Variants in PRELID2 observed in about 807,000 individuals in gnomAD.
PRELID2 encodes PRELI domain-containing protein 2.
In PRELID2, 25 loss-of-function variants were observed where a neutral mutation model predicts 28.4. The observed-to-expected ratio is 0.88, with a 90% CI of 0.64 to 1.23. PRELID2 has a LOEUF of 1.23. Among genes scored for constraint, PRELID2 ranks in the 50% most tolerant of loss-of-function variants. PRELID2 has a pLI of 0.00. For synonymous variants in PRELID2, 76 were observed against 71.6 expected (o/e 1.06, Z -0.31); for missense variants, 201 against 214.4 (o/e 0.94, Z 0.39).
At chr5:145,273,150 T>C in the PRELID2 span, among the ~76,000 whole-genome samples, 3,589 of 152,242 alleles carry the variant, frequency 0.024, 143 homozygotes, top group African/African-American at 0.082. Flanking sequence ...AATTATATTT[T>C]AGAAAAAGTC....
intron 5 of PRELID2, among the ~76,000 whole-genome samples, chr5:145,783,600 G>C (rs746047819): frequency 6.6e-6 from 1 of 152,114 alleles, no homozygotes; most frequent in Non-Finnish European, 1.5e-5. Context: ...TCAAGGGTGG[G>C]ATTAAAAAGT....
At chr5:145,754,421 T>A (rs2149754361), downstream of PRELID2, 1 of 152,330 alleles carries the variant, frequency 6.6e-6, no homozygotes. Flanking sequence ...CTGTGTCTGG[T>A]CTTACCATCA....
At chr5:145,293,661 G>A in the PRELID2 span, among the ~76,000 whole-genome samples, 1 of 152,140 alleles carries the variant, frequency 6.6e-6, no homozygotes, top group African/African-American at 2.4e-5. Flanking sequence ...GTAAAGGATG[G>A]TTTAATGTTA....
intron 5 of PRELID2, among the ~76,000 whole-genome samples, chr5:145,784,279 T>TGGAC (rs1417248849): frequency 2.7e-5 from 4 of 149,560 alleles, no homozygotes; most frequent in African/African-American, 9.8e-5. Flanking sequence ...TTCATGGAGG[T>TGGAC]GGACTAAAGT....
At chr5:145,806,861 C>A (rs1031116797) in intron 4 of PRELID2, among the ~76,000 whole-genome samples, 4 of 152,142 alleles carry the variant, frequency 2.6e-5, no homozygotes. Flanking sequence ...TCTTCTTCAC[C>A]TTCCACCATA....
At chr5:145,338,058 T>C in the PRELID2 span, 1 of 152,180 alleles carries the variant, frequency 6.6e-6, no homozygotes, top group Non-Finnish European at 1.5e-5. Flanking sequence ...AAATAAAACA[T>C]GTATATAATG....
chr5:145,502,646 C>G (rs1752369778), intron 1 of PRELID2, among the ~76,000 whole-genome samples: 1 of 152,090 alleles, frequency 6.6e-6, no homozygotes, highest in Admixed American at 6.6e-5. Flanking sequence ...AGGGCAGAGA[C>G]CACGTCTCAT....
the PRELID2 span, among the ~76,000 whole-genome samples, chr5:145,287,117 T>C: frequency 0.1 from 15,287 of 152,194 alleles, 1,134 homozygotes; most frequent in African/African-American, 0.22. Flanking sequence ...TCTCCTGTTA[T>C]CCATTGGGGA....
At chr5:145,616,556 C>A (rs1271193951) in intron 1 of PRELID2, among the ~76,000 whole-genome samples, 2 of 152,022 alleles carry the variant, frequency 1.3e-5, no homozygotes, top group Non-Finnish European at 2.9e-5. Context: ...CACATGTTGG[C>A]AGGTTCTGTG....
At chr5:145,405,870 T>G in the PRELID2 span, among the ~76,000 whole-genome samples, 1 of 151,960 alleles carries the variant, frequency 6.6e-6, no homozygotes, top group African/African-American at 2.4e-5. Context: ...CATGCCTGGC[T>G]AATTTTTTGT....
At chr5:145,233,415 G>A in the PRELID2 span, among the ~76,000 whole-genome samples, 1 of 152,204 alleles carries the variant, frequency 6.6e-6, no homozygotes, top group East Asian at 1.9e-4. Context: ...TGTTTTCAGA[G>A]GAGAAATTCC....
chr5:145,518,263 G>T (rs537175625), intron 1 of PRELID2, among the ~76,000 whole-genome samples: 1 of 151,902 alleles, frequency 6.6e-6, no homozygotes, highest in Non-Finnish European at 1.5e-5. Context: ...GCAGTGGCAC[G>T]ATCTCAGCTC....
At chr5:145,495,328 G>A (rs1396999523) in intron 1 of PRELID2, among the ~76,000 whole-genome samples, 1 of 152,192 alleles carries the variant, frequency 6.6e-6, no homozygotes, top group Non-Finnish European at 1.5e-5. Context: ...AGTGTGAATT[G>A]AGCATCAGCA....
At chr5:145,422,728 C>A in the PRELID2 span, among the ~76,000 whole-genome samples, 35 of 151,778 alleles carry the variant, frequency 2.3e-4, no homozygotes, top group South Asian at 7.1e-3. Flanking sequence ...GCATTTAGTC[C>A]ATTTACATTT....
chr5:145,468,085 G>A (rs1040732385), downstream of PRELID2, among the ~76,000 whole-genome samples: 12 of 151,948 alleles, frequency 7.9e-5, no homozygotes, highest in African/African-American at 2.9e-4. Context: ...CCCCACAACA[G>A]GCCCCAGTGT....
At chr5:145,549,173 T>C (rs1752811971) in intron 1 of PRELID2, among the ~76,000 whole-genome samples, 1 of 152,192 alleles carries the variant, frequency 6.6e-6, no homozygotes, top group South Asian at 2.1e-4. Flanking sequence ...GCACTTGCCC[T>C]ATGTTACTGC....
chr5:145,235,627 TA>T, the PRELID2 span, among the ~76,000 whole-genome samples: 2 of 152,068 alleles, frequency 1.3e-5, no homozygotes, highest in East Asian at 1.9e-4. Flanking sequence ...CACCCAAGAT[TA>T]TTTTTTTTTG....
chr5:145,322,027 T>C, the PRELID2 span, among the ~76,000 whole-genome samples: 94,222 of 152,018 alleles, frequency 0.62, 29,623 homozygotes, highest in South Asian at 0.86. Flanking sequence ...GTCTGGAGTC[T>C]GCTGAGAAAA....
chr5:145,644,507 CTA>C, intron 1 of PRELID2, among the ~76,000 whole-genome samples: 1 of 151,410 alleles, frequency 6.6e-6, no homozygotes, highest in Non-Finnish European at 1.5e-5. Flanking sequence ...TTTCATGTCT[CTA>C]TCTCCTTCAG....
Sources: allele counts gnomAD v4.1 joint callset (sites outside exome capture counted in the v4.1 genomes callset), GRCh38; gene constraint gnomAD v4.1.1; transcripts MANE v1.5; gene names NCBI Gene and HGNC (gene_info 2026-07-23, HGNC 2026-07-21).